Variants in RHOT1 observed in about 807,000 individuals in gnomAD.
RHOT1 encodes mitochondrial Rho GTPase 1.
A neutral mutation model predicts 95.3 loss-of-function variants in RHOT1; 27 were observed. The observed-to-expected ratio is 0.28, with a 90% CI of 0.21 to 0.39. The LOEUF (loss-of-function observed/expected upper bound fraction) is 0.39, where lower values mean the gene tolerates loss of function less well. Ranked by LOEUF, RHOT1 falls within the 10% of genes least tolerant of loss-of-function variation. The pLI is 1.00. For missense variants in RHOT1, 578 were observed against 786.7 expected, an observed-to-expected ratio of 0.73 and a Z score of 3.17; for synonymous variants, 227 against 263.5, an observed-to-expected ratio of 0.86 and a Z score of 1.34.
At chr17:32,209,260 G>A (rs1447246399) in intron 18 of RHOT1, 5 of 581,010 alleles carry the variant, frequency 8.6e-6, no homozygotes, top group African/African-American at 5.8e-5. Context: ...ATTTGTATTC[G>A]AAGACAAGTC....
chr17:32,167,344 T>C (rs2034176982), intron 1 of RHOT1, among the ~76,000 whole-genome samples: 1 of 150,922 alleles, frequency 6.6e-6, no homozygotes, highest in South Asian at 2.1e-4. Context: ...TTTTTTTTTT[T>C]GAGACGGAGT....
chr17:32,153,591 C>G (rs920284641), intron 1 of RHOT1, among the ~76,000 whole-genome samples: 1 of 152,134 alleles, frequency 6.6e-6, no homozygotes. Context: ...GCCAGGAGTT[C>G]AAAGCTGCAG....
intron 16 of RHOT1, among the ~76,000 whole-genome samples, chr17:32,206,544 C>T (rs1482676193): frequency 3.3e-5 from 5 of 149,516 alleles, no homozygotes; most frequent in South Asian, 2.1e-4. Flanking sequence ...CTCCGCCTCC[C>T]GGGTTCATGC....
At chr17:32,196,467 C>T (rs1320195551) in intron 11 of RHOT1, among the ~76,000 whole-genome samples, 1 of 152,166 alleles carries the variant, frequency 6.6e-6, no homozygotes, top group Non-Finnish European at 1.5e-5. Context: ...GCTGGGATTA[C>T]AAGCATTAGC....
At chr17:32,219,352 T>A (rs1340811845) in intron 19 of RHOT1, among the ~76,000 whole-genome samples, 1 of 152,308 alleles carries the variant, frequency 6.6e-6, no homozygotes, top group South Asian at 2.1e-4. Flanking sequence ...GGTCTTGAAC[T>A]CCTGGTCTTA....
intron 6 of RHOT1, among the ~76,000 whole-genome samples, chr17:32,178,028 T>G (rs111601557): frequency 1.0e-3 from 154 of 151,926 alleles, no homozygotes; most frequent in African/African-American, 3.7e-3. Context: ...TTTCACCATG[T>G]TGGCTAGGCT....
chr17:32,205,924 G>A (rs1231124002), intron 16 of RHOT1, among the ~76,000 whole-genome samples: 1 of 152,174 alleles, frequency 6.6e-6, no homozygotes, highest in Non-Finnish European at 1.5e-5. Flanking sequence ...CCGAAGAGTG[G>A]CAGTGAAACA....
rs1407775257 is a variant in RHOT1, at chr17:32,204,521, CAA to C, written c.1416+549_1416+550del. 1.0e-4 allele frequency among the ~76,000 whole-genome samples: 11 copies of C among 106,756 alleles called. No homozygotes were observed. In the Admixed American group the frequency reaches 1.2e-3, roughly 12 times the overall value. The allele number at this position is 106,756 out of a possible 152,430, so 70.0% of individuals were successfully genotyped here. The stretch of plus-strand genomic sequence containing the variant: ...GCCAAGATAATGCCTGCCTGGGCAA[CAA>C]GAGCGAAACTCCATCTCCAGAAAAA... On this transcript the variant is annotated intron_variant, in intron 16 of 19. Transcript: ENST00000545287.
chr17:32,178,593 G>T (rs1348015095), intron 6 of RHOT1, among the ~76,000 whole-genome samples: 1 of 152,202 alleles, frequency 6.6e-6, no homozygotes, highest in Non-Finnish European at 1.5e-5. Flanking sequence ...TAAGATTACA[G>T]CCTCTGCCCG....
chr17:32,203,026 T>G (rs2037434543), intron 15 of RHOT1, 126 bp downstream of exon 15: 2 of 861,704 alleles, frequency 2.3e-6, no homozygotes, highest in Non-Finnish European at 3.7e-6. Context: ...ATTAGTCAAG[T>G]ACAGTCTAAA....
chr17:32,176,084 G>T, intron 5 of RHOT1, 69 bp downstream of exon 5: 2 of 1,579,198 alleles, frequency 1.3e-6, no homozygotes, highest in Non-Finnish European at 1.7e-6. Context: ...TCTCAGTTTA[G>T]AATTTTAGGG....
Position 32,198,929 on chromosome 17 carries a change from C to T in RHOT1, c.870-18C>T. 2 of 1,517,606 alleles carry T rather than the reference C, an allele frequency of 1.3e-6. No individual in the cohort carries two copies. The highest frequency in any genetic ancestry group is 9.1e-7 in the Non-Finnish European group (1 of 1,102,212). 94.0% of individuals were successfully genotyped at this position (1,517,606 alleles called of 1,614,324 possible). A position where few individuals can be genotyped will look rare whatever the true frequency, so the allele number is the denominator to read the frequency against. ...CATTTGATTAATGATTTATTTTACT[C>T]TTGAATTTTTTCAACAGGCTGAAAA... On this transcript the variant is annotated intron_variant, in intron 11 of 19. Coordinates refer to ENST00000545287, the MANE Select transcript of RHOT1 (RefSeq NM_001033566.3).
intron 1 of RHOT1, among the ~76,000 whole-genome samples, chr17:32,152,943 A>T (rs2032500507): frequency 6.6e-6 from 1 of 152,004 alleles, no homozygotes; most frequent in Admixed American, 6.6e-5. Flanking sequence ...ACCTGCATAT[A>T]GGCATGCATC....
Position 32,207,005 on chromosome 17 carries a change from T to C in RHOT1, c.1512T>C (p.Phe504=), listed in dbSNP as rs2037805262. The change falls in exon 17 of 20, where the codon TTT becomes TTC. Residue 504 remains phenylalanine (F), a synonymous_variant. Coordinates refer to ENST00000545287, the MANE Select transcript of RHOT1 (RefSeq NM_001033566.3). ...LVYDVSNPKS[F]EYCARIFKQH... is the part of the protein sequence containing the mutation. ...ATGATGTCAGCAATCCCAAATCCTT[T>C]GAATACTGTGCCAGGATTTTTAAGG... 1 of 1,612,022 alleles carries C rather than the reference T, an allele frequency of 6.2e-7. No homozygotes were observed. Among genetic ancestry groups the C allele is most frequent in the South Asian group, 1.1e-5 (1 of 90,620 alleles).
chr17:32,163,100 G>T (rs904715478), intron 1 of RHOT1, among the ~76,000 whole-genome samples: 2 of 152,168 alleles, frequency 1.3e-5, no homozygotes, highest in Non-Finnish European at 2.9e-5. Context: ...CCAGTAGAAT[G>T]ATTTCATTTT....
chr17:32,202,683 T>G, intron 14 of RHOT1, 87 bp from the exon 15 acceptor site: 1 of 856,308 alleles, frequency 1.2e-6, no homozygotes, highest in Non-Finnish European at 1.8e-6. Context: ...TAAGCAGCAA[T>G]GCCCTATTTT....
intron 1 of RHOT1, chr17:32,151,625 G>T: frequency 4.1e-6 from 1 of 245,094 alleles, no homozygotes; most frequent in Non-Finnish European, 8.2e-6. Context: ...GCTCACGCCT[G>T]TAATTCCAGC....
chr17:32,207,064 C>T (rs536072541), intron 17 of RHOT1, 35 bp downstream of exon 17: 1 of 1,570,012 alleles, frequency 6.4e-7, no homozygotes, highest in South Asian at 1.2e-5. Flanking sequence ...CTGAATGTAA[C>T]TTCATATGGA....
rs143267187 is a variant in RHOT1 at position 32,213,392 on chromosome 17, G to GGA, written c.1862+2166_1862+2167dup. On this transcript the variant is annotated intron_variant, in intron 19 of 19. Transcript: ENST00000545287. ...AAATGATGTTGAATACCCAGAGGTT[G>GGA]GAGAGAGAGAGAGTGCTAAACTGAG... Among the ~76,000 whole-genome samples the GGA allele has an allele frequency of 3.3e-5, 5 of 151,996 alleles. No individual in the cohort carries two copies. In the South Asian group the frequency reaches 1.0e-3, roughly 32 times the overall value.
Sources: allele counts gnomAD v4.1 joint callset (sites outside exome capture counted in the v4.1 genomes callset), GRCh38; gene constraint gnomAD v4.1.1; transcripts MANE v1.5; gene names NCBI Gene and HGNC (gene_info 2026-07-23, HGNC 2026-07-21).